SLC44A5: variants seen among roughly 807,000 people sequenced by gnomAD.
SLC44A5 encodes solute carrier family 44 member 5.
In SLC44A5, 57 loss-of-function variants were observed where a neutral mutation model predicts 101.8. The ratio of observed to expected loss-of-function variants is 0.56; its 90% CI spans 0.45 to 0.70. SLC44A5 has a LOEUF of 0.70. Among genes scored for constraint, SLC44A5 ranks in the 30% least tolerant of loss-of-function variants. The pLI is 0.00. For missense variants in SLC44A5, 737 were observed against 853.1 expected (o/e 0.86, Z 1.70); for synonymous variants, 281 against 290.9 (o/e 0.97, Z 0.35).
chr1:75,646,145 G>A, the SLC44A5 span, among the ~76,000 whole-genome samples: 2 of 135,430 alleles, frequency 1.5e-5, no homozygotes, highest in Non-Finnish European at 3.3e-5. Flanking sequence ...GAACTTTAAA[G>A]TAGTTTTTTC....
chr1:75,625,872 C>T, the SLC44A5 span, among the ~76,000 whole-genome samples: 2 of 152,136 alleles, frequency 1.3e-5, no homozygotes, highest in Non-Finnish European at 2.9e-5. Flanking sequence ...TTTGCAGTCA[C>T]TTTCCTAACT....
intron 6 of SLC44A5, among the ~76,000 whole-genome samples, chr1:75,268,287 C>T (rs2100720731): frequency 6.6e-6 from 1 of 152,278 alleles, no homozygotes; most frequent in African/African-American, 2.4e-5. Context: ...GTCTTCACAT[C>T]TCAGTTCAGA....
chr1:75,392,212 C>T (rs1259391611), intron 3 of SLC44A5, among the ~76,000 whole-genome samples: 2 of 151,764 alleles, frequency 1.3e-5, no homozygotes, highest in South Asian at 2.1e-4. Flanking sequence ...GCAAGAGAAA[C>T]TATCAACAGG....
intron 2 of SLC44A5, among the ~76,000 whole-genome samples, chr1:75,414,631 C>G (rs1663519571): frequency 1.3e-5 from 2 of 152,090 alleles, no homozygotes; most frequent in Admixed American, 1.3e-4. Context: ...AGCAAGTAAA[C>G]TTGACTTTGT....
chr1:75,334,659 C>G (rs1657306686), intron 4 of SLC44A5, among the ~76,000 whole-genome samples: 1 of 152,088 alleles, frequency 6.6e-6, no homozygotes, highest in Non-Finnish European at 1.5e-5. Context: ...TGAGTTTAGG[C>G]TCTAAAATGT....
At chr1:75,565,382 T>C (rs1672737023) in intron 1 of SLC44A5, among the ~76,000 whole-genome samples, 1 of 152,176 alleles carries the variant, frequency 6.6e-6, no homozygotes, top group Admixed American at 6.5e-5. Context: ...AAACGAAAAA[T>C]TCAGCTAGCC....
Position 75,242,881 on chromosome 1 carries a change from C to A in SLC44A5, c.471+5G>T, listed in dbSNP as rs1312138066. ...TTCTCTTGCTTTAAGCTTAAACACA[C>A]ATACCTTCACAGGCTTAGCAGTGGT... On this transcript the variant is annotated splice_donor_5th_base_variant and intron_variant, in intron 8 of 23. Transcript: ENST00000370859. The A allele has an allele frequency of 6.3e-7, 1 of 1,585,186 alleles. No homozygotes were observed. The highest frequency in any genetic ancestry group is 1.2e-5 in the South Asian group (1 of 84,650).
Position 75,559,635 on chromosome 1 carries a change from T to C in SLC44A5, c.-69-18119A>G, listed in dbSNP as rs536191089. Among the ~76,000 whole-genome samples the C allele has an allele frequency of 1.2e-4, 18 of 152,264 alleles. No homozygotes were observed. The East Asian group carries it at 3.1e-3, about 26-fold the overall frequency. ...TGCTTCTTGCATACACATTCAAATG[T>C]TTATCACATGACATCAAAAGCATAA... On this transcript the variant is annotated intron_variant, in intron 1 of 23. Coordinates refer to ENST00000370859, the MANE Select transcript of SLC44A5 (RefSeq NM_001130058.2).
the SLC44A5 span, among the ~76,000 whole-genome samples, chr1:75,659,390 A>G: frequency 0.25 from 32,877 of 133,594 alleles, 4,911 homozygotes; most frequent in Middle Eastern, 0.36. Flanking sequence ...AAGGAAAGAA[A>G]GAAAGAAAAA....
upstream of SLC44A5, among the ~76,000 whole-genome samples, chr1:75,616,055 G>T (rs1461763465): frequency 6.6e-6 from 1 of 151,656 alleles, no homozygotes; most frequent in Admixed American, 6.6e-5. Context: ...GGCTCGGCTC[G>T]GCTGGGGCGG....
intron 6 of SLC44A5, among the ~76,000 whole-genome samples, chr1:75,274,700 T>C (rs907258247): frequency 2.0e-5 from 3 of 152,212 alleles, no homozygotes; most frequent in South Asian, 2.1e-4. Context: ...TGGTCCAATC[T>C]ATTCATTATA....
the SLC44A5 span, among the ~76,000 whole-genome samples, chr1:75,688,172 G>A: frequency 1.3e-5 from 2 of 152,164 alleles, no homozygotes; most frequent in South Asian, 2.1e-4. Context: ...GCTAATGAAG[G>A]CAGTAGGCTA....
intron 23 of SLC44A5, 56 bp downstream of exon 23, chr1:75,211,412 C>T: frequency 1.4e-6 from 2 of 1,380,912 alleles, no homozygotes; most frequent in Non-Finnish European, 2.1e-6. Flanking sequence ...GGGCCTTCAC[C>T]ATCTCACCTT....
intron 1 of SLC44A5, chr1:75,581,959 C>T: frequency 7.9e-6 from 3 of 379,432 alleles, no homozygotes; most frequent in Non-Finnish European, 9.6e-6. Context: ...GCCAGGTAAA[C>T]CTCTTTCTTT....
At chr1:75,588,551 G>A (rs1011299488) in intron 1 of SLC44A5, among the ~76,000 whole-genome samples, 1 of 152,060 alleles carries the variant, frequency 6.6e-6, no homozygotes, top group African/African-American at 2.4e-5. Flanking sequence ...AAAATGGTTA[G>A]GTTCTGGGAA....
At chr1:75,652,947 A>G in the SLC44A5 span, among the ~76,000 whole-genome samples, 3 of 152,212 alleles carry the variant, frequency 2.0e-5, no homozygotes, top group Non-Finnish European at 4.4e-5. Context: ...TGAAATTCAA[A>G]TTCTTGTTAA....
At chr1:75,388,470 A>G (rs923765936) in intron 3 of SLC44A5, among the ~76,000 whole-genome samples, 8 of 152,106 alleles carry the variant, frequency 5.3e-5, no homozygotes, top group Non-Finnish European at 7.3e-5. Context: ...AGCTAACAAC[A>G]TCACAACAGG....
chr1:75,541,638 A>T, intron 1 of SLC44A5, 122 bp from the exon 2 acceptor site: 1 of 539,116 alleles, frequency 1.9e-6, no homozygotes, highest in Admixed American at 3.1e-5. Context: ...AAACTCAGAG[A>T]ATTAGCCTAA....
intron 4 of SLC44A5, among the ~76,000 whole-genome samples, chr1:75,320,861 C>T (rs538768133): frequency 1.1e-4 from 17 of 152,162 alleles, no homozygotes; most frequent in Admixed American, 1.1e-3. Flanking sequence ...CCTTAAGAGC[C>T]TTCTGGTAAA....
Sources: allele counts gnomAD v4.1 joint callset (sites outside exome capture counted in the v4.1 genomes callset), GRCh38; gene constraint gnomAD v4.1.1; transcripts MANE v1.5; gene names NCBI Gene and HGNC (gene_info 2026-07-23, HGNC 2026-07-21).